The following STPG2 variants were observed in gnomAD, a reference collection of about 807,000 sequenced individuals.
The protein encoded by STPG2 is sperm-tail PG-rich repeat-containing protein 2.
STPG2 carries 56 observed loss-of-function variants against 54.2 expected under a neutral mutation model. The ratio of observed to expected loss-of-function variants is 1.03; its 90% CI spans 0.83 to 1.29. STPG2 has a LOEUF of 1.29. STPG2 is among the 50% of genes most tolerant of loss of function. STPG2 has a pLI of 0.00. For missense variants in STPG2, 596 were observed against 544.9 expected, an observed-to-expected ratio of 1.09 and a Z score of -0.93; for synonymous variants, 200 against 181.8, an observed-to-expected ratio of 1.10 and a Z score of -0.81.
intron 5 of STPG2, among the ~76,000 whole-genome samples, chr4:97,998,845 A>T (rs1735323480): frequency 6.6e-6 from 1 of 152,118 alleles, no homozygotes; most frequent in Non-Finnish European, 1.5e-5. Flanking sequence ...GTGCTCCCTG[A>T]TTCTGTGGTG....
chr4:97,786,850 A>G (rs182704328), intron 9 of STPG2, among the ~76,000 whole-genome samples: 1 of 152,238 alleles, frequency 6.6e-6, no homozygotes, highest in Non-Finnish European at 1.5e-5. Flanking sequence ...CTATGGCAGC[A>G]TTGCTCTACT....
At chr4:97,755,695 T>C (rs561066732) in intron 9 of STPG2, among the ~76,000 whole-genome samples, 40 of 152,314 alleles carry the variant, frequency 2.6e-4, no homozygotes, top group African/African-American at 8.9e-4. Context: ...TATTAAGTTG[T>C]ATTTATTGGG....
chr4:97,859,865 A>G (rs889294017), intron 8 of STPG2, among the ~76,000 whole-genome samples: 11 of 152,174 alleles, frequency 7.2e-5, no homozygotes, highest in African/African-American at 2.4e-4. Flanking sequence ...CAGGTCTCAG[A>G]TTTAAGTATT....
intron 8 of STPG2, among the ~76,000 whole-genome samples, chr4:97,927,612 C>G (rs1388731950): frequency 2.0e-5 from 3 of 151,700 alleles, no homozygotes; most frequent in Admixed American, 1.3e-4. Context: ...TTTAAAAAAT[C>G]ACAAAAAAAG....
chr4:97,958,419 AATGC>A (rs1199195576), intron 7 of STPG2, among the ~76,000 whole-genome samples: 47 of 152,194 alleles, frequency 3.1e-4, no homozygotes, highest in Admixed American at 3.1e-3. Context: ...ACATTGCCTA[AATGC>A]TCCATTTAAA....
At chr4:97,695,580 C>T (rs969941015) in intron 10 of STPG2, among the ~76,000 whole-genome samples, 1 of 152,026 alleles carries the variant, frequency 6.6e-6, no homozygotes, top group African/African-American at 2.4e-5. Context: ...GATGATATGA[C>T]AGTATACCTA....
At chr4:97,737,642 G>A (rs139611346) in intron 9 of STPG2, among the ~76,000 whole-genome samples, 2,795 of 152,220 alleles carry the variant, frequency 0.018, 76 homozygotes, top group African/African-American at 0.064. Context: ...GAAATGAAGC[G>A]AGAAGGGAAG....
chr4:97,743,016 T>C (rs1725311753), intron 9 of STPG2, among the ~76,000 whole-genome samples: 1 of 151,722 alleles, frequency 6.6e-6, no homozygotes, highest in Admixed American at 6.6e-5. Flanking sequence ...GTTGTATACC[T>C]TAAATATATA....
intron 4 of STPG2, among the ~76,000 whole-genome samples, chr4:97,472,827 G>A (rs991791471): frequency 2.0e-5 from 3 of 152,152 alleles, no homozygotes; most frequent in Admixed American, 6.6e-5. Flanking sequence ...ATTGGTTGTT[G>A]CGGGAAGTCA....
intron 9 of STPG2, among the ~76,000 whole-genome samples, chr4:97,808,833 A>C (rs1727651796): frequency 6.6e-6 from 1 of 151,960 alleles, no homozygotes; most frequent in South Asian, 2.1e-4. Flanking sequence ...ATACATATGT[A>C]AACACACATG....
At chr4:97,962,175 A>G (rs772481917) in intron 7 of STPG2, among the ~76,000 whole-genome samples, 59 of 152,324 alleles carry the variant, frequency 3.9e-4, no homozygotes, top group Non-Finnish European at 5.3e-4. Context: ...CAAAGGCATA[A>G]GAATGACACA....
At chr4:97,509,334 T>C (rs1220415859) in intron 4 of STPG2, among the ~76,000 whole-genome samples, 1 of 152,138 alleles carries the variant, frequency 6.6e-6, no homozygotes, top group African/African-American at 2.4e-5. Context: ...GATAAAACTT[T>C]ATTCATTGTT....
At chr4:97,483,505 T>A (rs927009478) in intron 4 of STPG2, among the ~76,000 whole-genome samples, 39 of 151,846 alleles carry the variant, frequency 2.6e-4, no homozygotes, top group Non-Finnish European at 3.4e-4. Context: ...TAAAAAGGCC[T>A]TGTCTAACAG....
intron 8 of STPG2, among the ~76,000 whole-genome samples, chr4:97,854,560 C>T (rs55830977): frequency 0.16 from 24,127 of 149,924 alleles, 2,106 homozygotes; most frequent in East Asian, 0.36. Context: ...AATATTCATT[C>T]AATAAAAAGT....
intron 10 of STPG2, among the ~76,000 whole-genome samples, chr4:97,697,787 C>T (rs72892887): frequency 0.052 from 7,887 of 152,258 alleles, 683 homozygotes; most frequent in African/African-American, 0.18. Context: ...TGGAAAACTG[C>T]TTAAGGTGTT....
At chr4:97,837,764 T>C (rs1282593582) in intron 9 of STPG2, among the ~76,000 whole-genome samples, 2 of 151,656 alleles carry the variant, frequency 1.3e-5, no homozygotes, top group Admixed American at 6.6e-5. Flanking sequence ...ACCATTTTCA[T>C]ATTTCTAAAT....
At chr4:97,738,359 C>T (rs1725094063) in intron 9 of STPG2, among the ~76,000 whole-genome samples, 1 of 152,102 alleles carries the variant, frequency 6.6e-6, no homozygotes, top group Admixed American at 6.6e-5. Flanking sequence ...TCACACATAA[C>T]AATATTAACT....
chr4:98,119,378 C>CA (rs1421904911), intron 3 of STPG2, among the ~76,000 whole-genome samples: 64 of 149,876 alleles, frequency 4.3e-4, no homozygotes, highest in African/African-American at 1.3e-3. Context: ...CTGTACTCTT[C>CA]AAAAAAAAAG....
chr4:97,529,862 T>C (rs1731375073), intron 4 of STPG2, among the ~76,000 whole-genome samples: 2 of 152,168 alleles, frequency 1.3e-5, no homozygotes, highest in Admixed American at 6.5e-5. Context: ...GTCTCAACTA[T>C]CAATTCCTCA....
Sources: gnomAD v4.1 joint callset for allele counts (sites outside exome capture counted in the v4.1 genomes callset) on GRCh38, gnomAD v4.1.1 for gene constraint, MANE v1.5 for transcripts, NCBI Gene and HGNC (gene_info 2026-07-23, HGNC 2026-07-21) for gene names.